Variants in PPFIBP1 observed in about 807,000 individuals in gnomAD.
PPFIBP1 encodes the protein PPFIB scaffold protein 1.
A neutral mutation model predicts 137.8 loss-of-function variants in PPFIBP1; 112 were observed. That is an observed-to-expected ratio of 0.81 (90% CI 0.70 to 0.95). The LOEUF is 0.95. Ranked by LOEUF, PPFIBP1 falls within the 40% of genes least tolerant of loss-of-function variation. The pLI, the probability that PPFIBP1 is intolerant of heterozygous loss-of-function variation, is 0.00. For synonymous variants in PPFIBP1, 378 were observed against 417.3 expected (o/e 0.91, Z 1.15); for missense variants, 1,083 against 1,196.6 (o/e 0.91, Z 1.40).
chr12:27,634,500 T>A (rs1321471907), intron 3 of PPFIBP1, among the ~76,000 whole-genome samples: 2 of 152,220 alleles, frequency 1.3e-5, no homozygotes, highest in Admixed American at 1.3e-4. Context: ...TCTGGGTTCA[T>A]TTCATAACCC....
chr12:27,592,546 G>C, intron 2 of PPFIBP1: 2 of 1,289,320 alleles, frequency 1.6e-6, no homozygotes, highest in Non-Finnish European at 1.1e-6. Context: ...TGGCTGACGG[G>C]GACTCTTGGT....
intron 2 of PPFIBP1, among the ~76,000 whole-genome samples, chr12:27,595,886 AATATATATATATAT>A (rs201970397): frequency 1.3e-3 from 135 of 102,438 alleles, no homozygotes; most frequent in Middle Eastern, 5.7e-3. Flanking sequence ...ACAACAACAA[AATATATATATATAT>A]ATATATATAT....
chr12:27,591,151 T>C (rs937966916), intron 2 of PPFIBP1, among the ~76,000 whole-genome samples: 1 of 151,988 alleles, frequency 6.6e-6, no homozygotes, highest in African/African-American at 2.4e-5. Context: ...GCTAAATATT[T>C]GTAGAAGGAA....
At chr12:27,673,683 T>C in intron 15 of PPFIBP1, 84 bp from the exon 16 acceptor site, 1 of 1,195,052 alleles carries the variant, frequency 8.4e-7, no homozygotes, top group Non-Finnish European at 1.2e-6. Context: ...CCACACGCAA[T>C]TTTAGTTTCT....
chr12:27,544,336 G>T (rs1485113268), intron 1 of PPFIBP1, among the ~76,000 whole-genome samples: 1 of 152,208 alleles, frequency 6.6e-6, no homozygotes, highest in Non-Finnish European at 1.5e-5. Flanking sequence ...GATGGGCAAA[G>T]ACTTCATGAC....
At position 27,528,787 on chromosome 12, in the gene PPFIBP1, G is replaced by C. The variant is rs141506555; in HGVS notation, c.-124+4422G>C. Among the ~76,000 whole-genome samples, 424 of 152,232 alleles carry C rather than the reference G, an allele frequency of 2.8e-3. 3 individuals are homozygous for C. The highest frequency in any genetic ancestry group is 8.2e-3 in the African/African-American group (342 of 41,536). The stretch of plus-strand genomic sequence containing the variant: ...GTTTACGCACTTTTTAGGCAGTTTG[G>C]GGGAGGAGGAGAGAGAACCTGAGGT... On this transcript the variant is annotated intron_variant, in intron 1 of 29. Transcript: ENST00000228425.
intron 1 of PPFIBP1, among the ~76,000 whole-genome samples, chr12:27,535,825 T>G (rs572238379): frequency 1.3e-5 from 2 of 152,358 alleles, no homozygotes; most frequent in African/African-American, 4.8e-5. Context: ...TACTTTTATT[T>G]CACTTCTTGA....
At chr12:27,574,940 C>T (rs2050436210) in intron 1 of PPFIBP1, among the ~76,000 whole-genome samples, 1 of 152,072 alleles carries the variant, frequency 6.6e-6, no homozygotes, top group Non-Finnish European at 1.5e-5. Context: ...TATATAAGTT[C>T]CCAACGAATA....
rs564391782 is a variant in PPFIBP1 at position 27,669,003 on chromosome 12, G to A, written c.1146+1683G>A. On this transcript the variant is annotated intron_variant, in intron 13 of 29. Transcript: ENST00000228425. ...TTTTAGTGTAATTTTTTTTTGTCTAGAAAGACCGGGAATGGGAAATAGTTT... is the reference window on the plus strand; with the variant it reads ...TTTTAGTGTAATTTTTTTTTGTCTAAAAAGACCGGGAATGGGAAATAGTTT... Among the ~76,000 whole-genome samples the A allele has an allele frequency of 2.6e-5, 4 of 152,040 alleles. No homozygotes were observed. In the South Asian group the frequency reaches 8.3e-4, roughly 32 times the overall value.
chr12:27,627,420 T>A (rs572058603), intron 2 of PPFIBP1, among the ~76,000 whole-genome samples: 131 of 152,350 alleles, frequency 8.6e-4, no homozygotes, highest in African/African-American at 3.0e-3. Flanking sequence ...TATGTGAACA[T>A]TCTCCCTTTC....
intron 24 of PPFIBP1, among the ~76,000 whole-genome samples, chr12:27,686,963 A>G (rs1296481584): frequency 6.6e-6 from 1 of 152,120 alleles, no homozygotes; most frequent in Non-Finnish European, 1.5e-5. Flanking sequence ...GAAAGGAAAC[A>G]GAGAGGGCAG....
intron 14 of PPFIBP1, 97 bp from the exon 15 acceptor site, chr12:27,672,330 T>C: frequency 1.1e-6 from 1 of 891,650 alleles, no homozygotes. Context: ...TAGCTTCCTT[T>C]GCATAATTTT....
intron 13 of PPFIBP1, among the ~76,000 whole-genome samples, chr12:27,670,024 G>C (rs932397343): frequency 2.0e-5 from 3 of 152,178 alleles, no homozygotes; most frequent in African/African-American, 7.2e-5. Flanking sequence ...GTGTAGAAGG[G>C]TGTTCACTGG....
intron 1 of PPFIBP1, among the ~76,000 whole-genome samples, chr12:27,525,804 C>T (rs1943678706): frequency 6.6e-6 from 1 of 152,186 alleles, no homozygotes; most frequent in Admixed American, 6.5e-5. Context: ...GCCAAATGAT[C>T]ATTAGGTTTC....
chr12:27,676,698 C>A, intron 18 of PPFIBP1, 99 bp downstream of exon 18: 1 of 1,221,266 alleles, frequency 8.2e-7, no homozygotes, highest in Middle Eastern at 2.1e-4. Flanking sequence ...ATTCATTTCT[C>A]TTTCTCAGAA....
At chr12:27,690,813 T>A (rs1023864232) in intron 27 of PPFIBP1, among the ~76,000 whole-genome samples, 3 of 152,078 alleles carry the variant, frequency 2.0e-5, no homozygotes, top group African/African-American at 7.2e-5. Flanking sequence ...AAATACACTT[T>A]AAAAATGATT....
At position 27,691,768 on chromosome 12, in the gene PPFIBP1, G is replaced by A. The variant is rs1349365949; in HGVS notation, c.2705G>A (p.Ser902Asn). 1.2e-6 allele frequency: 2 copies of A among 1,609,332 alleles called. No individual in the cohort carries two copies. The highest frequency in any genetic ancestry group is 1.3e-5 in the African/African-American group (1 of 74,878). ...TTAAAGCCAAAGAAACTTGCCTTTAGCAATTTTGGGAATTTGAGAAAGAAG... is the reference window on the plus strand; with the variant it reads ...TTAAAGCCAAAGAAACTTGCCTTTAACAATTTTGGGAATTTGAGAAAGAAG... ...AKVKPKKLAF[S>N]NFGNLRKKKQ... is the part of the protein sequence containing the mutation. Residue 902 changes from serine to asparagine, a missense_variant, in exon 28 of 30, where the codon AGC (serine) becomes AAC (asparagine). By Grantham distance (46) the Ser-to-Asn change is conservative. Coordinates refer to ENST00000228425, the MANE Select transcript of PPFIBP1 (RefSeq NM_003622.4).
intron 18 of PPFIBP1, 81 bp downstream of exon 18, chr12:27,676,680 A>G: frequency 2.4e-6 from 3 of 1,253,266 alleles, no homozygotes; most frequent in South Asian, 3.0e-5. Context: ...TTACTCTTTC[A>G]TTCATTGATT....
intron 18 of PPFIBP1, 93 bp from the exon 19 acceptor site, chr12:27,676,971 C>T (rs757599401): frequency 1.1e-5 from 17 of 1,540,594 alleles, no homozygotes; most frequent in South Asian, 5.6e-5. Flanking sequence ...GTGTATTTGG[C>T]GAGGAGGAGT....
Sources: allele counts gnomAD v4.1 joint callset (sites outside exome capture counted in the v4.1 genomes callset), GRCh38; gene constraint gnomAD v4.1.1; transcripts MANE v1.5; gene names NCBI Gene and HGNC (gene_info 2026-07-23, HGNC 2026-07-21).